The following TMEM117 variants were observed in gnomAD, a reference collection of about 807,000 sequenced individuals.
TMEM117 encodes the protein transmembrane protein 117.
Under a neutral mutation model 52.4 loss-of-function variants are expected in TMEM117, and 27 were observed. The observed-to-expected ratio is 0.51, with a 90% CI of 0.38 to 0.71. The LOEUF (loss-of-function observed/expected upper bound fraction) is 0.71, where lower values mean the gene tolerates loss of function less well. Ranked by LOEUF, TMEM117 falls within the 30% of genes least tolerant of loss-of-function variation. The pLI is 0.00. For synonymous variants in TMEM117, 215 were observed against 206.3 expected, an observed-to-expected ratio of 1.04 and a Z score of -0.36; for missense variants, 556 against 630.5, an observed-to-expected ratio of 0.88 and a Z score of 1.26.
At chr12:44,246,515 A>G (rs1417428615) in intron 5 of TMEM117, among the ~76,000 whole-genome samples, 3 of 152,330 alleles carry the variant, frequency 2.0e-5, no homozygotes, top group East Asian at 3.9e-4. Flanking sequence ...GCCAATTCAG[A>G]TAAGATGTTT....
In TMEM117 at chr12:44,326,173, T is replaced by C. The variant is rs556016824; in HGVS notation, c.768+26434T>C. 1.5e-3 allele frequency among the ~76,000 whole-genome samples: 234 copies of C among 151,794 alleles called. 2 individuals are homozygous for C. Among genetic ancestry groups the C allele is most frequent in the African/African-American group, 5.3e-3 (218 of 41,248 alleles). On this transcript the variant is annotated intron_variant, in intron 6 of 7. Coordinates refer to ENST00000266534, the MANE Select transcript of TMEM117 (RefSeq NM_032256.3). ...ACAGAGTGAGACCCTGGTTTTGTTT[T>C]TGTTTTTGTTTTTGTTTTTTGTTTT...
intron 1 of TMEM117, among the ~76,000 whole-genome samples, chr12:43,836,762 C>T (rs972406516): frequency 6.6e-6 from 1 of 151,852 alleles, no homozygotes; most frequent in African/African-American, 2.4e-5. Flanking sequence ...GTGTGTTCTA[C>T]CCTCTGTGGA....
chr12:44,332,451 AC>A (rs1361930000), intron 6 of TMEM117, among the ~76,000 whole-genome samples: 2 of 152,034 alleles, frequency 1.3e-5, no homozygotes, highest in Non-Finnish European at 2.9e-5. Flanking sequence ...ATTTAAGCCT[AC>A]CTTTGAATAT....
chr12:44,328,626 A>C (rs1951227161), intron 6 of TMEM117, among the ~76,000 whole-genome samples: 1 of 152,100 alleles, frequency 6.6e-6, no homozygotes, highest in Admixed American at 6.6e-5. Flanking sequence ...CTTTGGTTGG[A>C]ATTTAGATGT....
intron 3 of TMEM117, among the ~76,000 whole-genome samples, chr12:44,019,816 A>G (rs943935201): frequency 6.6e-6 from 1 of 152,182 alleles, no homozygotes; most frequent in Admixed American, 6.5e-5. Flanking sequence ...GAAGCATTCT[A>G]ATAAAGGCTC....
At chr12:44,275,604 A>G (rs1172991124) in intron 5 of TMEM117, among the ~76,000 whole-genome samples, 1 of 152,148 alleles carries the variant, frequency 6.6e-6, no homozygotes, top group Non-Finnish European at 1.5e-5. Context: ...ATAATGGAGT[A>G]CTATTCAGCC....
chr12:44,060,300 A>C (rs939948548), intron 3 of TMEM117, among the ~76,000 whole-genome samples: 1 of 152,188 alleles, frequency 6.6e-6, no homozygotes, highest in African/African-American at 2.4e-5. Context: ...ATCATTGCAA[A>C]TTTTCTGGGG....
chr12:44,184,891 CAT>C (rs1305168966), intron 4 of TMEM117, among the ~76,000 whole-genome samples: 4 of 152,172 alleles, frequency 2.6e-5, no homozygotes, highest in South Asian at 2.1e-4. Flanking sequence ...CAATCTCAAA[CAT>C]ATGTAAGCAT....
intron 6 of TMEM117, among the ~76,000 whole-genome samples, chr12:44,361,815 G>A (rs182087578): frequency 2.0e-4 from 30 of 152,256 alleles, no homozygotes; most frequent in African/African-American, 7.2e-4. Context: ...CATTGTGATA[G>A]GGGAGTGATA....
At chr12:43,803,854 G>C in the TMEM117 span, among the ~76,000 whole-genome samples, 7 of 152,042 alleles carry the variant, frequency 4.6e-5, no homozygotes, top group African/African-American at 1.7e-4. Flanking sequence ...AGATATTTAA[G>C]AAATTAGGCC....
At chr12:44,126,816 A>G (rs1362818099) in intron 3 of TMEM117, among the ~76,000 whole-genome samples, 2 of 152,344 alleles carry the variant, frequency 1.3e-5, no homozygotes, top group East Asian at 3.9e-4. Flanking sequence ...CATGTAATTT[A>G]CCTGTTATCT....
At chr12:44,189,455 A>G (rs527929633) in intron 4 of TMEM117, among the ~76,000 whole-genome samples, 3 of 152,204 alleles carry the variant, frequency 2.0e-5, no homozygotes, top group Non-Finnish European at 4.4e-5. Context: ...GCTTCTATAC[A>G]ATAGTACCCT....
intron 2 of TMEM117, among the ~76,000 whole-genome samples, chr12:43,846,571 C>T (rs185237004): frequency 5.7e-4 from 87 of 152,278 alleles, no homozygotes; most frequent in African/African-American, 2.0e-3. Context: ...AGACACAATT[C>T]TAGACAGTGA....
At chr12:44,308,467 AAAGTGC>A (rs1431240698) in intron 6 of TMEM117, among the ~76,000 whole-genome samples, 1 of 152,150 alleles carries the variant, frequency 6.6e-6, no homozygotes, top group African/African-American at 2.4e-5. Context: ...CCAGTAAAAA[AAAGTGC>A]AGCATTGAAG....
chr12:44,321,091 A>G (rs1951123685), intron 6 of TMEM117, among the ~76,000 whole-genome samples: 1 of 152,208 alleles, frequency 6.6e-6, no homozygotes, highest in Non-Finnish European at 1.5e-5. Context: ...TCTATGTGAT[A>G]ATTGTATTTG....
intron 6 of TMEM117, among the ~76,000 whole-genome samples, chr12:44,333,758 C>G (rs191725100): frequency 6.6e-6 from 1 of 152,028 alleles, no homozygotes; most frequent in East Asian, 1.9e-4. Flanking sequence ...AACTAATACA[C>G]ATAGGTACAA....
At chr12:44,044,509 G>A (rs993302436) in intron 3 of TMEM117, among the ~76,000 whole-genome samples, 3 of 152,180 alleles carry the variant, frequency 2.0e-5, no homozygotes, top group African/African-American at 7.2e-5. Context: ...TGGTATATAC[G>A]TGATAGGGCT....
intron 5 of TMEM117, among the ~76,000 whole-genome samples, chr12:44,228,797 G>A (rs986849395): frequency 2.0e-5 from 3 of 152,172 alleles, no homozygotes; most frequent in Admixed American, 2.0e-4. Flanking sequence ...AAAAGGTGGA[G>A]GGTCATTTGA....
intron 2 of TMEM117, among the ~76,000 whole-genome samples, chr12:43,904,460 C>T (rs1047337697): frequency 6.6e-6 from 1 of 151,564 alleles, no homozygotes; most frequent in Non-Finnish European, 1.5e-5. Context: ...TTTTAATGTC[C>T]CCAATCCTAG....
Sources: allele counts gnomAD v4.1 joint callset (sites outside exome capture counted in the v4.1 genomes callset), GRCh38; gene constraint gnomAD v4.1.1; transcripts MANE v1.5; gene names NCBI Gene and HGNC (gene_info 2026-07-23, HGNC 2026-07-21).